The following MCF2L2 variants were observed in gnomAD, a reference collection of about 807,000 sequenced individuals.
The protein encoded by MCF2L2 is MCF.2 cell line derived transforming sequence-like 2, also known as probable guanine nucleotide exchange factor MCF2L2.
A neutral mutation model predicts 150.2 loss-of-function variants in MCF2L2; 102 were observed. The observed-to-expected ratio is 0.68, with a 90% CI of 0.58 to 0.80. The LOEUF is 0.80. Ranked by LOEUF, MCF2L2 falls within the 30% of genes least tolerant of loss-of-function variation. MCF2L2 has a pLI of 0.00. For synonymous variants in MCF2L2, 465 were observed against 491.3 expected (o/e 0.95, Z 0.71); for missense variants, 1,256 against 1,372.8 (o/e 0.91, Z 1.34).
intron 15 of MCF2L2, among the ~76,000 whole-genome samples, chr3:183,241,166 T>A (rs923045625): frequency 6.6e-6 from 1 of 152,178 alleles, no homozygotes; most frequent in African/African-American, 2.4e-5. Context: ...CAACTCTGTG[T>A]TGAGTGAAGT....
intron 3 of MCF2L2, among the ~76,000 whole-genome samples, chr3:183,346,757 T>A (rs1207594730): frequency 6.6e-6 from 1 of 152,152 alleles, no homozygotes; most frequent in African/African-American, 2.4e-5. Context: ...AGCATTTCTA[T>A]TCACCAACAA....
intron 22 of MCF2L2, among the ~76,000 whole-genome samples, chr3:183,214,445 C>A (rs1480433698): frequency 1.3e-5 from 2 of 152,042 alleles, no homozygotes; most frequent in Admixed American, 1.3e-4. Flanking sequence ...CCCCATGGGG[C>A]TAAGTTTCTG....
chr3:183,402,321 C>T (rs528867937), intron 1 of MCF2L2, among the ~76,000 whole-genome samples: 2 of 151,558 alleles, frequency 1.3e-5, no homozygotes, highest in Admixed American at 1.3e-4. Flanking sequence ...TGGGTTTTTC[C>T]CGGGTGCCTG....
At chr3:183,416,042 T>A (rs929190406) in intron 1 of MCF2L2, among the ~76,000 whole-genome samples, 1 of 152,132 alleles carries the variant, frequency 6.6e-6, no homozygotes, top group Non-Finnish European at 1.5e-5. Flanking sequence ...ATTTTATTAG[T>A]GGTTATTCTA....
intron 10 of MCF2L2, among the ~76,000 whole-genome samples, chr3:183,303,010 C>T (rs918210826): frequency 6.6e-6 from 1 of 151,944 alleles, no homozygotes; most frequent in Non-Finnish European, 1.5e-5. Flanking sequence ...CTGGCTAACA[C>T]GGTGAAACCC....
intron 15 of MCF2L2, chr3:183,272,456 T>C: frequency 1.0e-6 from 1 of 999,856 alleles, no homozygotes; most frequent in South Asian, 4.7e-5. Context: ...TTTCTCAGTA[T>C]ACACAACTGA....
At chr3:183,374,680 A>AAAAAGAAAG (rs1389995766) in intron 3 of MCF2L2, 6 of 148,244 alleles carry the variant, frequency 4.0e-5, no homozygotes, top group African/African-American at 1.3e-4. Context: ...AAAAAAAAAA[A>AAAAAGAAAG]AAAGAAAGAA....
At chr3:183,392,062 T>C (rs1714186303) in intron 1 of MCF2L2, among the ~76,000 whole-genome samples, 1 of 152,156 alleles carries the variant, frequency 6.6e-6, no homozygotes, top group South Asian at 2.1e-4. Flanking sequence ...CAAGCAAGCA[T>C]ATTTCAGAGA....
intron 22 of MCF2L2, among the ~76,000 whole-genome samples, chr3:183,214,031 A>G (rs1278455169): frequency 6.6e-6 from 1 of 152,160 alleles, no homozygotes; most frequent in Non-Finnish European, 1.5e-5. Flanking sequence ...TTGCATGCAA[A>G]CTGGCTGGGA....
In MCF2L2 at chr3:183,305,072, C is replaced by G. The variant is rs983462996; in HGVS notation, c.1113+4644G>C. On this transcript the variant is annotated intron_variant, in intron 10 of 29. Transcript: ENST00000328913. The surrounding 1 kb of genome is among the most constrained non-coding windows in gnomAD (Gnocchi z 4.1). ...ATTTCCTTAACTCTTCACAACAAAC[C>G]CTTTGATACAGGTACTGTTTTACCA... Among the ~76,000 whole-genome samples the G allele has an allele frequency of 5.9e-5, 9 of 152,136 alleles. No homozygotes were observed. The highest frequency in any genetic ancestry group is 5.9e-4 in the Admixed American group (9 of 15,280).
intron 25 of MCF2L2, among the ~76,000 whole-genome samples, chr3:183,202,194 GT>G (rs1453572258): frequency 6.6e-6 from 1 of 152,148 alleles, no homozygotes; most frequent in Admixed American, 6.5e-5. Flanking sequence ...CTGCAAGTCT[GT>G]CTTTATTAGG....
Position 183,179,186 on chromosome 3 carries a change from T to C in MCF2L2, c.*194A>G. ...CAGGCGCCTTAGAGCAGCTCCGAGG[T>C]CCCCCGTGCGGAGCTAGGCGCGCAC... On this transcript the variant is annotated 3_prime_UTR_variant, in exon 30 of 30. Coordinates refer to ENST00000328913, the MANE Select transcript of MCF2L2 (RefSeq NM_015078.4). The surrounding 1 kb of genome is among the most constrained non-coding windows in gnomAD (Gnocchi z 4.2). 1 of 671,004 alleles carries C rather than the reference T, an allele frequency of 1.5e-6. No homozygotes were observed. Among genetic ancestry groups the C allele is most frequent in the Non-Finnish European group, 2.2e-6 (1 of 458,774 alleles). The allele number at this position is 671,004 out of a possible 1,614,324, so 41.6% of individuals were successfully genotyped here. A position where few individuals can be genotyped will look rare whatever the true frequency, so the allele number is the denominator to read the frequency against.
intron 22 of MCF2L2, among the ~76,000 whole-genome samples, chr3:183,208,191 A>G (rs1722566760): frequency 6.6e-6 from 1 of 152,192 alleles, no homozygotes; most frequent in Non-Finnish European, 1.5e-5. Flanking sequence ...AGGGACAAGA[A>G]ATTAACATTT....
intron 1 of MCF2L2, among the ~76,000 whole-genome samples, chr3:183,425,869 C>T (rs537474485): frequency 4.6e-5 from 7 of 152,092 alleles, no homozygotes; most frequent in South Asian, 4.1e-4. Context: ...GTAGGAGAAT[C>T]GCTTGAACCC....
At chr3:183,419,162 G>C (rs1365605114) in intron 1 of MCF2L2, among the ~76,000 whole-genome samples, 1 of 152,260 alleles carries the variant, frequency 6.6e-6, no homozygotes, top group Admixed American at 6.5e-5. Context: ...AATGGCCTGA[G>C]CTGTAACTTG....
chr3:183,309,643 C>A, intron 10 of MCF2L2, 73 bp downstream of exon 10: 1 of 1,599,296 alleles, frequency 6.3e-7, no homozygotes, highest in East Asian at 2.2e-5. Context: ...CTTCCAATAG[C>A]AATGACTGGA....
At chr3:183,182,498 C>T (rs1334397917) in intron 27 of MCF2L2, 1 of 152,244 alleles carries the variant, frequency 6.6e-6, no homozygotes, top group Admixed American at 6.5e-5. Context: ...ACAATATTTA[C>T]CCTTAGAGTG....
intron 13 of MCF2L2, among the ~76,000 whole-genome samples, chr3:183,291,548 C>T (rs1327864135): frequency 6.6e-6 from 1 of 152,238 alleles, no homozygotes; most frequent in Non-Finnish European, 1.5e-5. Context: ...AGGCATCCAG[C>T]TAACAAGAGT....
intron 1 of MCF2L2, among the ~76,000 whole-genome samples, chr3:183,405,063 T>G (rs1031765940): frequency 2.0e-5 from 3 of 152,110 alleles, no homozygotes; most frequent in Non-Finnish European, 4.4e-5. Context: ...TACAATATAA[T>G]TGAATGTACA....
Sources: gnomAD v4.1 joint callset for allele counts (sites outside exome capture counted in the v4.1 genomes callset) on GRCh38, gnomAD v4.1.1 for gene constraint, Gnocchi (gnomAD v3.1) non-coding constraint, MANE v1.5 for transcripts, NCBI Gene and HGNC (gene_info 2026-07-23, HGNC 2026-07-21) for gene names.